Variants in SYT16 observed in about 807,000 individuals in gnomAD.
SYT16 encodes synaptotagmin 16.
In SYT16, 42 loss-of-function variants were observed where a neutral mutation model predicts 61.4. The ratio of observed to expected loss-of-function variants is 0.68; its 90% CI spans 0.53 to 0.89. The LOEUF (loss-of-function observed/expected upper bound fraction) is 0.89, where lower values mean the gene tolerates loss of function less well. Ranked by LOEUF, SYT16 falls within the 40% of genes least tolerant of loss-of-function variation. The pLI, the probability that SYT16 is intolerant of heterozygous loss-of-function variation, is 0.00. For synonymous variants in SYT16, 314 were observed against 302.3 expected, an observed-to-expected ratio of 1.04 and a Z score of -0.40; for missense variants, 804 against 807.3, an observed-to-expected ratio of 1.00 and a Z score of 0.05.
At chr14:61,918,448 G>A (rs1353312581) in intron 1 of SYT16, among the ~76,000 whole-genome samples, 1 of 152,054 alleles carries the variant, frequency 6.6e-6, no homozygotes, top group Admixed American at 6.6e-5. Context: ...AGAAGATGGG[G>A]GATAAAGGAA....
chr14:61,969,896 A>G (rs1305519587), intron 1 of SYT16, among the ~76,000 whole-genome samples: 1 of 152,208 alleles, frequency 6.6e-6, no homozygotes, highest in Non-Finnish European at 1.5e-5. Context: ...ATTCAAAGGT[A>G]TAGAGGTCTC....
chr14:61,982,147 G>A (rs982302094), intron 2 of SYT16, among the ~76,000 whole-genome samples: 18 of 152,076 alleles, frequency 1.2e-4, no homozygotes, highest in African/African-American at 4.3e-4. Context: ...AATAGTCATA[G>A]CATGGAATTT....
chr14:61,829,447 C>G (rs1281979357), intron 1 of SYT16, among the ~76,000 whole-genome samples: 2 of 152,058 alleles, frequency 1.3e-5, no homozygotes, highest in Non-Finnish European at 2.9e-5. Context: ...AGATTTATGT[C>G]TTTCCCCAAA....
intron 1 of SYT16, among the ~76,000 whole-genome samples, chr14:61,816,827 T>C (rs762087248): frequency 2.0e-5 from 3 of 151,206 alleles, no homozygotes; most frequent in East Asian, 2.0e-4. Context: ...CTGGCTAACA[T>C]GGTGAAACCC....
chr14:61,831,547 C>G (rs145812270), intron 1 of SYT16, among the ~76,000 whole-genome samples: 1 of 152,128 alleles, frequency 6.6e-6, no homozygotes, highest in African/African-American at 2.4e-5. Flanking sequence ...TGAGTATTGT[C>G]TCTCTCCCAT....
intron 1 of SYT16, among the ~76,000 whole-genome samples, chr14:61,845,896 A>G (rs998946952): frequency 5.3e-5 from 8 of 152,160 alleles, no homozygotes; most frequent in African/African-American, 1.9e-4. Flanking sequence ...ATTTGTTTCA[A>G]GAAAATTTTC....
rs114074727 is a variant in SYT16 at position 62,031,889 on chromosome 14, G to A, written c.523+35347G>A. The stretch of plus-strand genomic sequence containing the variant: ...GTTTCTGCTACTGAAAGACTGTTGC[G>A]ATAAGGGAGGGCCTATACAGAGACG... On this transcript the variant is annotated intron_variant, in intron 3 of 7. Transcript: ENST00000683842. Among the ~76,000 whole-genome samples the A allele has an allele frequency of 9.1e-3, 1,380 of 152,166 alleles. 23 individuals carry two copies. The highest frequency in any genetic ancestry group is 0.031 in the African/African-American group (1,268 of 41,528).
chr14:61,924,495 G>C (rs1476008775), intron 1 of SYT16, among the ~76,000 whole-genome samples: 4 of 152,182 alleles, frequency 2.6e-5, no homozygotes, highest in African/African-American at 9.7e-5. Context: ...GAACGAGGGT[G>C]TATTTCCTTT....
chr14:61,820,469 G>GGTTTTTTTTTTT (rs2045578027), intron 1 of SYT16, among the ~76,000 whole-genome samples: 3 of 61,080 alleles, frequency 4.9e-5, no homozygotes, highest in African/African-American at 2.1e-4. Context: ...CCTCTTCAGA[G>GGTTTTTTTTTTT]TTTTTTTTTT....
chr14:62,072,376 C>T (rs1015856676), intron 4 of SYT16, among the ~76,000 whole-genome samples: 1 of 152,054 alleles, frequency 6.6e-6, no homozygotes, highest in African/African-American at 2.4e-5. Flanking sequence ...AACACCTGCA[C>T]ATGCAGGGGT....
intron 5 of SYT16, among the ~76,000 whole-genome samples, chr14:62,077,361 G>T (rs1256899988): frequency 6.6e-6 from 1 of 152,230 alleles, no homozygotes; most frequent in Non-Finnish European, 1.5e-5. Context: ...TGGTCGTGCA[G>T]TGTGACTACC....
chr14:61,895,805 T>TA (rs995825513), intron 1 of SYT16, among the ~76,000 whole-genome samples: 12 of 151,752 alleles, frequency 7.9e-5, no homozygotes, highest in Admixed American at 2.0e-4. Flanking sequence ...CCCTGAATTG[T>TA]AAAAAAAAAT....
chr14:61,837,105 G>A (rs1032438553), intron 1 of SYT16, among the ~76,000 whole-genome samples: 8 of 152,134 alleles, frequency 5.3e-5, no homozygotes, highest in African/African-American at 1.9e-4. Context: ...ACAGGACTTT[G>A]AGATTGAGGG....
chr14:62,018,972 A>G (rs1215280430), intron 3 of SYT16, among the ~76,000 whole-genome samples: 1 of 152,268 alleles, frequency 6.6e-6, no homozygotes, highest in Admixed American at 6.5e-5. Context: ...TGTTGAATAA[A>G]TGAAAGAATA....
rs59074913 is a variant in SYT16, at chr14:61,837,369, C to T, written c.-325+24559C>T. ...CTCCCACCTCAGCCTCCCTAAGTAG[C>T]TGGGACTACAGGTGTGGGCCACCTT... On this transcript the variant is annotated intron_variant, in intron 1 of 7. Coordinates refer to ENST00000683842, the MANE Select transcript of SYT16 (RefSeq NM_001367656.1). Among the ~76,000 whole-genome samples the T allele has an allele frequency of 5.3e-3, 804 of 151,258 alleles. 5 individuals carry two copies. The highest frequency in any genetic ancestry group is 0.019 in the African/African-American group (765 of 41,168).
intron 1 of SYT16, among the ~76,000 whole-genome samples, chr14:61,818,185 G>A (rs1473938857): frequency 2.0e-5 from 3 of 152,170 alleles, no homozygotes; most frequent in South Asian, 2.1e-4. Context: ...GAACCCCCAT[G>A]TATCCAGGTC....
At chr14:61,854,438 A>G (rs1450823018) in intron 1 of SYT16, among the ~76,000 whole-genome samples, 1 of 152,208 alleles carries the variant, frequency 6.6e-6, no homozygotes, top group Non-Finnish European at 1.5e-5. Context: ...ACACGCGCGC[A>G]CGCGCGTGCA....
chr14:62,001,213 A>G (rs2053001635), intron 3 of SYT16, among the ~76,000 whole-genome samples: 1 of 152,134 alleles, frequency 6.6e-6, no homozygotes, highest in Non-Finnish European at 1.5e-5. Context: ...GTTTAAAAAT[A>G]TTTTAATTAT....
intron 1 of SYT16, among the ~76,000 whole-genome samples, chr14:61,820,437 TGGGCGGATATGCTTCA>T (rs2045576600): frequency 7.4e-6 from 1 of 135,976 alleles, no homozygotes; most frequent in South Asian, 2.6e-4. Context: ...GCTATAGCAC[TGGGCGGATATGCTTCA>T]GGGCACCTCT....
Sources: gnomAD v4.1 joint callset for allele counts (sites outside exome capture counted in the v4.1 genomes callset) on GRCh38, gnomAD v4.1.1 for gene constraint, MANE v1.5 for transcripts, NCBI Gene and HGNC (gene_info 2026-07-23, HGNC 2026-07-21) for gene names.